Variants in ANGPT1 observed in about 807,000 individuals in gnomAD.
ANGPT1 encodes the protein angiopoietin 1.
ANGPT1 carries 17 observed loss-of-function variants against 62.2 expected under a neutral mutation model. The ratio of observed to expected loss-of-function variants is 0.27; its 90% CI spans 0.19 to 0.41. ANGPT1 has a LOEUF of 0.41. Among genes scored for constraint, ANGPT1 ranks in the 10% least tolerant of loss-of-function variants. The probability of loss-of-function intolerance (pLI) is 1.00; values close to 1 mark genes in which losing one functional copy is unlikely to be tolerated. For missense variants in ANGPT1, 478 were observed against 594.9 expected (o/e 0.80, Z 2.04); for synonymous variants, 199 against 198.9 (o/e 1.00, Z 0.00).
At chr8:107,301,667 T>C (rs1814592012) in intron 5 of ANGPT1, among the ~76,000 whole-genome samples, 1 of 151,808 alleles carries the variant, frequency 6.6e-6, no homozygotes, top group Non-Finnish European at 1.5e-5. Flanking sequence ...ATGGCTGAGG[T>C]AGCAAAGTAC....
At chr8:107,441,908 A>T (rs1043597467) in intron 1 of ANGPT1, among the ~76,000 whole-genome samples, 14 of 152,036 alleles carry the variant, frequency 9.2e-5, no homozygotes, top group Non-Finnish European at 1.9e-4. Context: ...ACATAGTGAA[A>T]CCCTGTCTCT....
chr8:107,484,957 C>T (rs147726275), intron 1 of ANGPT1, among the ~76,000 whole-genome samples: 58 of 152,226 alleles, frequency 3.8e-4, no homozygotes, highest in African/African-American at 1.3e-3. Context: ...AAATATCACA[C>T]ACAATAGATG....
intron 4 of ANGPT1, among the ~76,000 whole-genome samples, chr8:107,305,716 A>T (rs943979857): frequency 6.6e-6 from 1 of 152,060 alleles, no homozygotes; most frequent in Non-Finnish European, 1.5e-5. Flanking sequence ...TAGATATTGT[A>T]TTTTCTTGAA....
chr8:107,336,294 T>C (rs770065765), intron 2 of ANGPT1, 23 bp from the exon 3 acceptor site: 2 of 1,567,102 alleles, frequency 1.3e-6, no homozygotes, highest in Non-Finnish European at 1.7e-6. Context: ...GATGAAAATA[T>C]TTCAAACTTC....
chr8:107,319,895 C>A (rs1337373200), intron 4 of ANGPT1, among the ~76,000 whole-genome samples: 1 of 151,962 alleles, frequency 6.6e-6, no homozygotes, highest in Non-Finnish European at 1.5e-5. Context: ...CAAATAAAAT[C>A]TATGGTCATG....
chr8:107,460,021 A>G (rs1812025606), intron 1 of ANGPT1, among the ~76,000 whole-genome samples: 2 of 152,304 alleles, frequency 1.3e-5, no homozygotes, highest in South Asian at 4.1e-4. Context: ...AACACGCTGA[A>G]AGCATCATCA....
chr8:107,310,560 G>A (rs1014348627), intron 4 of ANGPT1, among the ~76,000 whole-genome samples: 1 of 152,130 alleles, frequency 6.6e-6, no homozygotes, highest in African/African-American at 2.4e-5. Context: ...GGTTGTATGG[G>A]AAAAGAGAGA....
intron 1 of ANGPT1, among the ~76,000 whole-genome samples, chr8:107,411,785 A>C (rs1033913651): frequency 3.3e-5 from 5 of 152,150 alleles, no homozygotes; most frequent in African/African-American, 1.2e-4. Flanking sequence ...AGCTTCAAAA[A>C]TATTTGATCC....
chr8:107,312,127 C>T (rs1001915942), intron 4 of ANGPT1, among the ~76,000 whole-genome samples: 3 of 150,654 alleles, frequency 2.0e-5, no homozygotes, highest in Admixed American at 2.0e-4. Flanking sequence ...TGGAAATACA[C>T]ACCATCTTTG....
At chr8:107,271,533 T>G (rs1021555053) in intron 7 of ANGPT1, among the ~76,000 whole-genome samples, 2 of 151,722 alleles carry the variant, frequency 1.3e-5, no homozygotes, top group African/African-American at 2.4e-5. Flanking sequence ...GAGATACAGC[T>G]CATGAGGACA....
At chr8:107,426,562 G>A (rs541131128) in intron 1 of ANGPT1, among the ~76,000 whole-genome samples, 2 of 152,256 alleles carry the variant, frequency 1.3e-5, no homozygotes, top group Admixed American at 6.5e-5. Flanking sequence ...TTAATTTTGT[G>A]TTTTTCCTTC....
rs533801836 is a variant in ANGPT1, at chr8:107,251,127, T to A, written c.*728A>T. ...AGTTTTCACCACATACATCCTTACT[T>A]GATTATGTTCATTTCTTTTTCTGAA... is the stretch of plus-strand genomic sequence containing the variant. On this transcript the variant is annotated 3_prime_UTR_variant, in exon 9 of 9. Coordinates refer to ENST00000517746, the MANE Select transcript of ANGPT1 (RefSeq NM_001146.5). 1.3e-5 allele frequency: 2 copies of A among 152,162 alleles called. No individual in the cohort carries two copies. Among genetic ancestry groups the A allele is most frequent in the African/African-American group, 4.8e-5 (2 of 41,456 alleles). The allele number at this position is 152,162 out of a possible 1,614,324, so 9.4% of individuals were successfully genotyped here.
chr8:107,359,865 T>C (rs2130198836), intron 1 of ANGPT1, among the ~76,000 whole-genome samples: 1 of 152,292 alleles, frequency 6.6e-6, no homozygotes, highest in African/African-American at 2.4e-5. Flanking sequence ...TTGGTTGGTT[T>C]TCTCCTTTCT....
rs1033614700 is a variant in ANGPT1, at chr8:107,375,310, A to T, written c.298-28213T>A. 4.6e-5 allele frequency among the ~76,000 whole-genome samples: 7 copies of T among 152,206 alleles called. 1 individual carries two copies. Among genetic ancestry groups the T allele is most frequent in the Admixed American group, 1.3e-4 (2 of 15,282 alleles). ...CAAATATGGCAGTTAGTATTTTTTTAAAAAAGAAATGCTTAAATCCTTCTT... is the reference window on the plus strand; with the variant it reads ...CAAATATGGCAGTTAGTATTTTTTTTAAAAAGAAATGCTTAAATCCTTCTT... On this transcript the variant is annotated intron_variant, in intron 1 of 8. Transcript: ENST00000517746.
intron 1 of ANGPT1, among the ~76,000 whole-genome samples, chr8:107,460,687 C>T (rs1398935731): frequency 2.6e-5 from 4 of 152,136 alleles, no homozygotes; most frequent in African/African-American, 9.6e-5. Context: ...GCTTGACACA[C>T]ATGGGGATAA....
intron 1 of ANGPT1, among the ~76,000 whole-genome samples, chr8:107,365,327 A>G (rs944018135): frequency 1.1e-4 from 17 of 152,186 alleles, no homozygotes; most frequent in African/African-American, 4.1e-4. Flanking sequence ...GCTCTCCCCC[A>G]TGAGAAGTAG....
intron 4 of ANGPT1, among the ~76,000 whole-genome samples, chr8:107,310,923 A>G (rs1814836119): frequency 1.3e-5 from 2 of 149,728 alleles, no homozygotes; most frequent in Non-Finnish European, 3.0e-5. Flanking sequence ...GTGTGTGTGT[A>G]TGTGTTAGTG....
intron 4 of ANGPT1, among the ~76,000 whole-genome samples, chr8:107,320,597 T>C (rs1322271156): frequency 2.6e-5 from 4 of 152,174 alleles, no homozygotes; most frequent in Non-Finnish European, 5.9e-5. Flanking sequence ...CTCAAGATTT[T>C]GGCAGAGTCT....
rs1055009578 is a variant in ANGPT1, at chr8:107,382,157, A to G, written c.298-35060T>C. Among the ~76,000 whole-genome samples the G allele has an allele frequency of 3.4e-4, 51 of 152,210 alleles. 1 individual carries two copies. Among genetic ancestry groups the G allele is most frequent in the African/African-American group, 1.2e-3 (48 of 41,446 alleles). ...ACCAATTTAATATTTCAGATAGAAT[A>G]AGAGAACTTAATTATTAAAGAGTAA... On this transcript the variant is annotated intron_variant, in intron 1 of 8. Coordinates refer to ENST00000517746, the MANE Select transcript of ANGPT1 (RefSeq NM_001146.5).
Sources: gnomAD v4.1 joint callset for allele counts (sites outside exome capture counted in the v4.1 genomes callset) on GRCh38, gnomAD v4.1.1 for gene constraint, MANE v1.5 for transcripts, NCBI Gene and HGNC (gene_info 2026-07-23, HGNC 2026-07-21) for gene names.